Variants in ROCK2 observed in about 807,000 individuals in gnomAD.
ROCK2 encodes the protein rho-associated protein kinase 2.
Under a neutral mutation model 195.1 loss-of-function variants are expected in ROCK2, and 61 were observed. That is an observed-to-expected ratio of 0.31 (90% CI 0.25 to 0.39). The LOEUF is 0.39. Among genes scored for constraint, ROCK2 ranks in the 10% least tolerant of loss-of-function variants. The pLI is 1.00. For synonymous variants in ROCK2, 504 were observed against 545.5 expected (o/e 0.92, Z 1.06); for missense variants, 1,109 against 1,637.4 (o/e 0.68, Z 5.57).
intron 1 of ROCK2, among the ~76,000 whole-genome samples, chr2:11,327,489 A>T (rs1558396643): frequency 6.6e-6 from 1 of 152,142 alleles, no homozygotes; most frequent in East Asian, 1.9e-4. Flanking sequence ...CTCTAAATTC[A>T]CCACGAATGG....
intron 5 of ROCK2, among the ~76,000 whole-genome samples, chr2:11,231,490 G>A (rs888870302): frequency 1.3e-5 from 2 of 152,162 alleles, no homozygotes; most frequent in African/African-American, 2.4e-5. Context: ...TTACAGGCAT[G>A]AGCCATCGTG....
chr2:11,333,155 T>G (rs1459718351), intron 1 of ROCK2, among the ~76,000 whole-genome samples: 1 of 152,222 alleles, frequency 6.6e-6, no homozygotes, highest in Non-Finnish European at 1.5e-5. Flanking sequence ...GGTGTATAAA[T>G]TATACCTCAA....
At chr2:11,224,002 T>C (rs1168283759) in intron 7 of ROCK2, among the ~76,000 whole-genome samples, 2 of 152,216 alleles carry the variant, frequency 1.3e-5, no homozygotes, top group South Asian at 2.1e-4. Flanking sequence ...AAGAGTAATA[T>C]GGAATAACCA....
intron 1 of ROCK2, among the ~76,000 whole-genome samples, chr2:11,309,217 G>T (rs1434548130): frequency 2.6e-5 from 4 of 151,036 alleles, no homozygotes; most frequent in African/African-American, 9.7e-5. Context: ...TATTTACATT[G>T]TATTAGGCAT....
chr2:11,226,122 A>G (rs372386089), intron 6 of ROCK2, among the ~76,000 whole-genome samples: 6 of 152,138 alleles, frequency 3.9e-5, no homozygotes, highest in Non-Finnish European at 8.8e-5. Flanking sequence ...AATTAATTCC[A>G]TATTATGTTA....
chr2:11,253,169 G>A lies in ROCK2; in HGVS notation c.325-3371C>T, dbSNP rs143583427. ...AAATTATATAGTTACCCTATTCAGCGATGGAAGAAAGAAGAAGAAATCAAG... is the reference window on the plus strand; with the variant it reads ...AAATTATATAGTTACCCTATTCAGCAATGGAAGAAAGAAGAAGAAATCAAG... On this transcript the variant is annotated intron_variant, in intron 3 of 32. Transcript: ENST00000315872. Among the ~76,000 whole-genome samples, 240 of 152,036 alleles carry A rather than the reference G, an allele frequency of 1.6e-3. 5 individuals carry two copies. In the East Asian group the frequency reaches 0.039, roughly 25 times the overall value.
At chr2:11,285,217 G>A (rs1183784827) in intron 3 of ROCK2, among the ~76,000 whole-genome samples, 2 of 149,102 alleles carry the variant, frequency 1.3e-5, no homozygotes, top group South Asian at 2.1e-4. Context: ...AGCCGAGATC[G>A]CGCCATTGCA....
intron 20 of ROCK2, among the ~76,000 whole-genome samples, chr2:11,205,444 C>A (rs1370532835): frequency 6.6e-6 from 1 of 152,148 alleles, no homozygotes; most frequent in Non-Finnish European, 1.5e-5. Context: ...TGCCCTCCAA[C>A]CCATTCTCAT....
chr2:11,286,486 C>T, intron 3 of ROCK2, 53 bp downstream of exon 3: 1 of 1,154,742 alleles, frequency 8.7e-7, no homozygotes. Flanking sequence ...ATTGATAATG[C>T]TTCACAAAAC....
At chr2:11,285,192 G>A (rs1572360715) in intron 3 of ROCK2, among the ~76,000 whole-genome samples, 2 of 151,662 alleles carry the variant, frequency 1.3e-5, no homozygotes, top group East Asian at 1.9e-4. Flanking sequence ...AACCCGGGGG[G>A]TGGAGGTTAC....
intron 3 of ROCK2, among the ~76,000 whole-genome samples, chr2:11,277,227 T>C (rs35508648): frequency 0.4 from 60,472 of 152,088 alleles, 13,569 homozygotes; most frequent in Admixed American, 0.52. Context: ...TAAAATGTTA[T>C]GTATCCACCA....
chr2:11,183,557 A>AT (rs1663084126), intron 32 of ROCK2, 117 bp from the exon 33 acceptor site: 1 of 664,366 alleles, frequency 1.5e-6, no homozygotes, highest in Non-Finnish European at 2.5e-6. Context: ...CAGCTACTAT[A>AT]TTTTTTAACA....
intron 4 of ROCK2, among the ~76,000 whole-genome samples, chr2:11,242,314 C>CTTTT (rs565944628): frequency 1.4e-3 from 218 of 152,226 alleles, no homozygotes; most frequent in African/African-American, 5.2e-3. Flanking sequence ...TTTGATTAAA[C>CTTTT]TTTTACTGCA....
chr2:11,203,102 T>C (rs7580593), intron 20 of ROCK2, among the ~76,000 whole-genome samples: 61,706 of 152,016 alleles, frequency 0.41, 13,756 homozygotes, highest in Admixed American at 0.52. Flanking sequence ...TTCTGTATTA[T>C]GTTAATCTTC....
intron 1 of ROCK2, among the ~76,000 whole-genome samples, chr2:11,314,060 G>A (rs1417628851): frequency 1.3e-5 from 2 of 151,744 alleles, no homozygotes; most frequent in East Asian, 3.9e-4. Context: ...TAGGGGTAAT[G>A]GATAAATAAT....
In ROCK2 at chr2:11,344,412, C is replaced by G; in HGVS notation, c.-276G>C. On this transcript the variant is annotated 5_prime_UTR_variant, in exon 1 of 33. Transcript: ENST00000315872. The surrounding 1 kb of genome is among the most constrained non-coding windows in gnomAD (Gnocchi z 5.4). ...CCTCAGTCAGATTCGCGCCGCCGGTCCGCTGGTCCTCAGCGAGTGCCCGCA... is the reference window on the plus strand; with the variant it reads ...CCTCAGTCAGATTCGCGCCGCCGGTGCGCTGGTCCTCAGCGAGTGCCCGCA... 1 of 1,086,912 alleles carries G rather than the reference C, an allele frequency of 9.2e-7. No homozygotes were observed. Among genetic ancestry groups the G allele is most frequent in the Non-Finnish European group, 1.1e-6 (1 of 896,122 alleles). The allele number at this position is 1,086,912 out of a possible 1,614,324, so 67.3% of individuals were successfully genotyped here.
chr2:11,247,492 T>C lies in ROCK2; in HGVS notation c.462+2169A>G, dbSNP rs761141606. On this transcript the variant is annotated intron_variant, in intron 4 of 32. Coordinates refer to ENST00000315872, the MANE Select transcript of ROCK2 (RefSeq NM_004850.5). ...ATCGGATTTACTTTTTCAATTGTAC[T>C]ATGTTTCACTATTGGTTTGCTCCCT... Among the ~76,000 whole-genome samples the C allele has an allele frequency of 1.5e-4, 23 of 152,348 alleles. No homozygotes were observed. In the Middle Eastern group the frequency reaches 0.01, roughly 68 times the overall value.
intron 1 of ROCK2, among the ~76,000 whole-genome samples, chr2:11,319,246 T>G (rs1668325663): frequency 6.6e-6 from 1 of 152,210 alleles, no homozygotes; most frequent in Non-Finnish European, 1.5e-5. Context: ...GCATGGAATG[T>G]TCTTCCATTT....
At chr2:11,232,362 C>T (rs192635026) in intron 5 of ROCK2, among the ~76,000 whole-genome samples, 1 of 152,276 alleles carries the variant, frequency 6.6e-6, no homozygotes, top group East Asian at 1.9e-4. Flanking sequence ...CTCCTGGCTT[C>T]AAGCAGTCTG....
Sources: allele counts gnomAD v4.1 joint callset (sites outside exome capture counted in the v4.1 genomes callset), GRCh38; gene constraint gnomAD v4.1.1; non-coding constraint Gnocchi (gnomAD v3.1); transcripts MANE v1.5; gene names NCBI Gene and HGNC (gene_info 2026-07-23, HGNC 2026-07-21).